Variants in BLOC1S5 observed in about 807,000 individuals in gnomAD.
The protein encoded by BLOC1S5 is biogenesis of lysosome-related organelles complex 1 subunit 5.
BLOC1S5 carries 27 observed loss-of-function variants against 24.3 expected under a neutral mutation model. That is an observed-to-expected ratio of 1.11 (90% CI 0.82 to 1.53). The LOEUF (loss-of-function observed/expected upper bound fraction) is 1.53, where lower values mean the gene tolerates loss of function less well. Ranked by LOEUF, BLOC1S5 falls within the 40% of genes most tolerant of loss-of-function variation. The pLI is 0.00. For synonymous variants in BLOC1S5, 84 were observed against 74.5 expected, an observed-to-expected ratio of 1.13 and a Z score of -0.66; for missense variants, 239 against 229.4, an observed-to-expected ratio of 1.04 and a Z score of -0.27.
intron 4 of BLOC1S5, among the ~76,000 whole-genome samples, chr6:8,025,176 T>A (rs1362490968): frequency 6.6e-6 from 1 of 152,242 alleles, no homozygotes; most frequent in African/African-American, 2.4e-5. Flanking sequence ...TCTATTATTA[T>A]AGTGTTAGTG....
chr6:8,035,878 C>T (rs1763469046), intron 3 of BLOC1S5, among the ~76,000 whole-genome samples: 1 of 152,238 alleles, frequency 6.6e-6, no homozygotes, highest in East Asian at 1.9e-4. Context: ...ACAAACTCGA[C>T]CAGGCCTTAA....
intron 4 of BLOC1S5, among the ~76,000 whole-genome samples, chr6:8,024,348 A>G (rs1763035182): frequency 6.6e-6 from 1 of 151,834 alleles, no homozygotes. Flanking sequence ...CAACATGGCA[A>G]ATCCCTGTCT....
At chr6:8,051,004 A>G (rs1445975284) in intron 2 of BLOC1S5, among the ~76,000 whole-genome samples, 3 of 151,832 alleles carry the variant, frequency 2.0e-5, no homozygotes, top group African/African-American at 4.8e-5. Context: ...CTTGGCCAAC[A>G]TGGTGAAACC....
chr6:8,064,018 G>A (rs2743988), intron 1 of BLOC1S5, among the ~76,000 whole-genome samples: 1,958 of 152,202 alleles, frequency 0.013, 49 homozygotes, highest in African/African-American at 0.044. Flanking sequence ...CGGAATGGAC[G>A]GGGGCGGGCC....
intron 3 of BLOC1S5, among the ~76,000 whole-genome samples, chr6:8,040,719 G>A (rs2113560732): frequency 6.6e-6 from 1 of 152,172 alleles, no homozygotes; most frequent in African/African-American, 2.4e-5. Flanking sequence ...AGCCAGGCAT[G>A]GTGAGACGCA....
chr6:8,062,557 G>A lies in BLOC1S5; in HGVS notation c.172C>T (p.Arg58Cys), dbSNP rs775046437. The change falls in exon 2 of 5, where the codon CGT (arginine) becomes TGT (cysteine). Residue 58 changes from arginine to cysteine, a missense_variant. Physicochemically the swap from Arg to Cys is radical, Grantham distance 180. Transcript: ENST00000397457. ...DHRPVIQGET[R>C]YFVKEFEEKR... is the part of the protein sequence containing the mutation. ...ACTTCAAATTCTTTTACAAAATAACGAGTTTCACCTTGAATAACTGGTCTG... is the reference window on the plus strand; with the variant it reads ...ACTTCAAATTCTTTTACAAAATAACAAGTTTCACCTTGAATAACTGGTCTG... The A allele has an allele frequency of 6.9e-6, 11 of 1,594,274 alleles. No homozygotes were observed. Among genetic ancestry groups the A allele is most frequent in the South Asian group, 1.1e-5 (1 of 88,616 alleles).
chr6:8,019,522 G>A (rs558622465), intron 4 of BLOC1S5, among the ~76,000 whole-genome samples: 62 of 147,098 alleles, frequency 4.2e-4, no homozygotes, highest in African/African-American at 1.1e-3. Flanking sequence ...GCCCACCTCC[G>A]CCTCCCAAAG....
chr6:8,054,091 T>A (rs1373734405), intron 2 of BLOC1S5, among the ~76,000 whole-genome samples: 2 of 152,200 alleles, frequency 1.3e-5, no homozygotes, highest in African/African-American at 2.4e-5. Context: ...CACCTTCACT[T>A]TTTTGGTGAC....
At chr6:8,040,565 A>T (rs538670459) in intron 3 of BLOC1S5, among the ~76,000 whole-genome samples, 2 of 152,348 alleles carry the variant, frequency 1.3e-5, no homozygotes, top group South Asian at 4.1e-4. Context: ...TGTAGTCAAG[A>T]ACCGAGATTC....
chr6:8,019,545 A>G (rs1349592847), intron 4 of BLOC1S5, among the ~76,000 whole-genome samples: 1 of 147,062 alleles, frequency 6.8e-6, no homozygotes, highest in East Asian at 2.1e-4. Flanking sequence ...CTGGGATTAC[A>G]GGCATGAGCC....
rs1445006259 is a variant in BLOC1S5, at chr6:8,022,607, C to T, written c.384+3760G>A. ...TTTTTTTTTTCTTTTTTTTTTGAGA[C>T]GGAGTCTCGCTCTGTCGCCCAGGCT... On this transcript the variant is annotated intron_variant, in intron 4 of 4. Coordinates refer to ENST00000397457, the MANE Select transcript of BLOC1S5 (RefSeq NM_201280.3). 2.9e-4 allele frequency among the ~76,000 whole-genome samples: 24 copies of T among 82,832 alleles called. 1 individual carries two copies. Among genetic ancestry groups the T allele is most frequent in the Admixed American group, 7.6e-4 (5 of 6,536 alleles). The allele number at this position is 82,832 out of a possible 152,430, so 54.3% of individuals were successfully genotyped here. A position where few individuals can be genotyped will look rare whatever the true frequency, so the allele number is the denominator to read the frequency against.
intron 2 of BLOC1S5, among the ~76,000 whole-genome samples, chr6:8,057,383 T>A (rs979000145): frequency 6.6e-6 from 1 of 152,206 alleles, no homozygotes; most frequent in East Asian, 1.9e-4. Context: ...TTCGCACTTA[T>A]CACACAAGGA....
chr6:8,047,211 ATTT>A (rs113086214), intron 2 of BLOC1S5, among the ~76,000 whole-genome samples: 2 of 126,316 alleles, frequency 1.6e-5, no homozygotes, highest in African/African-American at 5.8e-5. Context: ...GTCAACAGTA[ATTT>A]TTTTTTTTTT....
At chr6:8,057,214 C>T (rs1051826779) in intron 2 of BLOC1S5, among the ~76,000 whole-genome samples, 12 of 151,218 alleles carry the variant, frequency 7.9e-5, no homozygotes, top group Admixed American at 4.0e-4. Flanking sequence ...AGTGAAACTC[C>T]GTCTCAAAAA....
At chr6:8,028,904 T>C (rs545092670) in intron 3 of BLOC1S5, among the ~76,000 whole-genome samples, 29 of 146,998 alleles carry the variant, frequency 2.0e-4, no homozygotes, top group African/African-American at 7.3e-4. Flanking sequence ...CACTTACTGG[T>C]TGTAACTCAG....
chr6:8,026,241 A>C, intron 4 of BLOC1S5, 126 bp downstream of exon 4: 1 of 698,518 alleles, frequency 1.4e-6, no homozygotes. Flanking sequence ...ATCTTCAATG[A>C]ATCAGCCATT....
At chr6:8,042,370 C>T (rs961856087) in intron 2 of BLOC1S5, among the ~76,000 whole-genome samples, 6 of 152,216 alleles carry the variant, frequency 3.9e-5, no homozygotes, top group Non-Finnish European at 7.3e-5. Flanking sequence ...GAAAAGAACA[C>T]TGAAGGCCTG....
chr6:8,030,959 C>T (rs1181015961), intron 3 of BLOC1S5, among the ~76,000 whole-genome samples: 21 of 151,984 alleles, frequency 1.4e-4, no homozygotes, highest in Admixed American at 5.2e-4. Flanking sequence ...TCAGCAAAAC[C>T]GGTATAGAAG....
At chr6:8,063,419 T>C (rs1757332091) in intron 1 of BLOC1S5, among the ~76,000 whole-genome samples, 1 of 152,230 alleles carries the variant, frequency 6.6e-6, no homozygotes, top group Non-Finnish European at 1.5e-5. Flanking sequence ...GTTTAAAATG[T>C]AAGTCTCAAA....
Sources: allele counts gnomAD v4.1 joint callset (sites outside exome capture counted in the v4.1 genomes callset), GRCh38; gene constraint gnomAD v4.1.1; transcripts MANE v1.5; gene names NCBI Gene and HGNC (gene_info 2026-07-23, HGNC 2026-07-21).